The following GLYATL2 variants were observed in gnomAD, a reference collection of about 807,000 sequenced individuals.
GLYATL2 encodes the protein glycine N-acyltransferase-like protein 2.
Under a neutral mutation model 21.4 loss-of-function variants are expected in GLYATL2, and 25 were observed. The ratio of observed to expected loss-of-function variants is 1.17; its 90% confidence interval spans 0.85 to 1.63. The LOEUF is 1.63. GLYATL2 is among the 40% of genes most tolerant of loss of function. GLYATL2 has a pLI of 0.00. For missense variants in GLYATL2, 361 were observed against 343.3 expected (o/e 1.05, Z -0.41); for synonymous variants, 114 against 118.2 (o/e 0.96, Z 0.23).
At chr11:58,904,362 T>C (rs1325858206), upstream of GLYATL2, 10 of 152,234 alleles carry the variant, frequency 6.6e-5, no homozygotes, top group Non-Finnish European at 1.2e-4. Context: ...TCCAGACTTC[T>C]TCATATGGCC....
chr11:58,867,226 T>G (rs764664296), intron 1 of GLYATL2, among the ~76,000 whole-genome samples: 44 of 149,182 alleles, frequency 2.9e-4, no homozygotes, highest in Non-Finnish European at 5.2e-4. Context: ...ATAATAGATT[T>G]AAAATGTGTA....
chr11:58,872,010 T>G (rs918204638), intron 1 of GLYATL2, among the ~76,000 whole-genome samples: 17 of 152,260 alleles, frequency 1.1e-4, no homozygotes, highest in Admixed American at 1.3e-4. Context: ...ATTGTGGTTT[T>G]GATTTGCATT....
intron 1 of GLYATL2, among the ~76,000 whole-genome samples, chr11:58,851,057 C>G (rs1323605592): frequency 6.6e-6 from 1 of 152,196 alleles, no homozygotes; most frequent in Non-Finnish European, 1.5e-5. Flanking sequence ...GGCCCCCTGT[C>G]TGGTGGACAC....
intron 1 of GLYATL2, among the ~76,000 whole-genome samples, chr11:58,891,609 C>T (rs544070456): frequency 4.7e-4 from 72 of 152,320 alleles, no homozygotes; most frequent in South Asian, 1.9e-3. Flanking sequence ...TTTCCCTCCA[C>T]CCTCTAGGAC....
intron 1 of GLYATL2, among the ~76,000 whole-genome samples, chr11:58,854,695 A>AGT (rs757551397): frequency 0.89 from 134,844 of 152,016 alleles, 60,968 homozygotes; most frequent in Non-Finnish European, 0.98. Flanking sequence ...GTCTGAAATC[A>AGT]AAATGCTATT....
At chr11:58,905,879 G>A (rs552517287), upstream of GLYATL2, among the ~76,000 whole-genome samples, 1 of 152,348 alleles carries the variant, frequency 6.6e-6, no homozygotes, top group Admixed American at 6.5e-5. Context: ...AGCTTCCAAA[G>A]TGGATGAGAG....
chr11:58,902,159 A>G (rs1159941666), intron 1 of GLYATL2, among the ~76,000 whole-genome samples: 2 of 152,158 alleles, frequency 1.3e-5, no homozygotes, highest in African/African-American at 4.8e-5. Flanking sequence ...TCAGCTATCT[A>G]TCAATAGGGG....
intron 1 of GLYATL2, among the ~76,000 whole-genome samples, chr11:58,891,417 G>A (rs1854541294): frequency 6.6e-6 from 1 of 152,104 alleles, no homozygotes; most frequent in Non-Finnish European, 1.5e-5. Flanking sequence ...TATTTTGTGG[G>A]CTTCTGGCTG....
rs1853901872 is a variant in GLYATL2, at chr11:58,859,957, T to C, written n.61-21589A>G. Reference sequence around the variant, plus strand: ...CATGGATTTATTTCTGGATGTTCTATTCTGTTCCATTACTTCATGTTTCTG... The same window carrying C: ...CATGGATTTATTTCTGGATGTTCTACTCTGTTCCATTACTTCATGTTTCTG... On this transcript the variant is annotated intron_variant and non_coding_transcript_variant, in intron 1 of 4. Transcript: ENST00000533636. Among the ~76,000 whole-genome samples the C allele has an allele frequency of 3.3e-5, 5 of 152,322 alleles. No individual in the cohort carries two copies. In the South Asian group the frequency reaches 1.0e-3, roughly 32 times the overall value.
intron 1 of GLYATL2, among the ~76,000 whole-genome samples, chr11:58,867,742 T>C (rs1854046311): frequency 6.7e-6 from 1 of 148,900 alleles, no homozygotes; most frequent in South Asian, 2.2e-4. Context: ...GGGACTGATA[T>C]CAAAACTGAG....
At chr11:58,878,262 T>C in intron 1 of GLYATL2, 1 of 402,350 alleles carries the variant, frequency 2.5e-6, no homozygotes, top group Middle Eastern at 4.1e-4. Flanking sequence ...TATCAGACTG[T>C]GCCAGAAGCA....
Position 58,837,010 on chromosome 11 carries a change from C to A in GLYATL2, c.476+5G>T, listed in dbSNP as rs1373975409. 5 of 1,609,592 alleles carry A rather than the reference C, an allele frequency of 3.1e-6. No homozygotes were observed. Among genetic ancestry groups the A allele is most frequent in the African/African-American group, 1.3e-5 (1 of 74,836 alleles). On this transcript the variant is annotated splice_donor_5th_base_variant and intron_variant, in intron 5 of 5. Coordinates refer to ENST00000287275, the MANE Select transcript of GLYATL2 (RefSeq NM_145016.4). ...GAATTTGGGAAGCAAAAGGTAAAAT[C>A]TCACTTGTTATCATCATCCACTTCA...
At chr11:58,887,693 T>G (rs751506247) in intron 1 of GLYATL2, among the ~76,000 whole-genome samples, 1 of 152,204 alleles carries the variant, frequency 6.6e-6, no homozygotes, top group Non-Finnish European at 1.5e-5. Flanking sequence ...TTTTAATAAC[T>G]GTGGCATTCC....
In GLYATL2 at chr11:58,838,326, T is replaced by A; in HGVS notation, c.121A>T (p.Asn41Tyr). The A allele has an allele frequency of 1.9e-6, 3 of 1,613,362 alleles. No homozygotes were observed. Among genetic ancestry groups the A allele is most frequent in the Non-Finnish European group, 2.5e-6 (3 of 1,179,432 alleles). ...CAGGCATCTACCAGCACCTCCATGT[T>A]GAAAGGGTTTTTATCTTTTATGTTG... Reference protein sequence around the residue: ...IFNIKDKNPFNMEVLVDAWPD... With the variant: ...IFNIKDKNPFYMEVLVDAWPD... The change falls in exon 3 of 6, where the codon AAC (asparagine) becomes TAC (tyrosine). Residue 41 changes from asparagine to tyrosine, a missense_variant. By Grantham distance (143) the Asn-to-Tyr change is moderately radical (BLOSUM62 -2). Coordinates refer to ENST00000287275, the MANE Select transcript of GLYATL2 (RefSeq NM_145016.4).
At chr11:58,901,498 GTGATACGGT>G (rs1271473771) in intron 1 of GLYATL2, among the ~76,000 whole-genome samples, 1 of 152,118 alleles carries the variant, frequency 6.6e-6, no homozygotes, top group Non-Finnish European at 1.5e-5. Flanking sequence ...ACCTATCCAA[GTGATACGGT>G]TGAACTTTAA....
At chr11:58,908,492 A>G (rs1854963673), upstream of GLYATL2, 1 of 210,338 alleles carries the variant, frequency 4.8e-6, no homozygotes, top group Non-Finnish European at 1.1e-5. Context: ...ACTGAAGGGA[A>G]CAAGTCATTT....
At chr11:58,895,566 G>C (rs1854620560) in intron 1 of GLYATL2, among the ~76,000 whole-genome samples, 1 of 152,162 alleles carries the variant, frequency 6.6e-6, no homozygotes, top group Non-Finnish European at 1.5e-5. Flanking sequence ...TCTAAGTCTA[G>C]AGGCTCCTGG....
intron 1 of GLYATL2, among the ~76,000 whole-genome samples, chr11:58,857,034 T>C (rs1371260188): frequency 5.3e-5 from 8 of 152,202 alleles, no homozygotes; most frequent in African/African-American, 1.7e-4. Flanking sequence ...CCTTTAAACA[T>C]ATATGCAGTA....
At chr11:58,881,588 AT>A (rs971228873) in intron 1 of GLYATL2, among the ~76,000 whole-genome samples, 10 of 151,576 alleles carry the variant, frequency 6.6e-5, no homozygotes, top group African/African-American at 2.4e-4. Context: ...TAGAAGGCTG[AT>A]TTTTTTTTAT....
Sources: gnomAD v4.1 joint callset for allele counts (sites outside exome capture counted in the v4.1 genomes callset) on GRCh38, gnomAD v4.1.1 for gene constraint, MANE v1.5 for transcripts, NCBI Gene and HGNC (gene_info 2026-07-23, HGNC 2026-07-21) for gene names.